RYR2: variants seen among roughly 807,000 people sequenced by gnomAD.
RYR2 encodes cardiac muscle ryanodine receptor-calcium release channel.
RYR2 carries 227 observed loss-of-function variants against 601.1 expected under a neutral mutation model. The ratio of observed to expected loss-of-function variants is 0.38; its 90% CI spans 0.34 to 0.42. The LOEUF is 0.42. Among genes scored for constraint, RYR2 ranks in the 10% least tolerant of loss-of-function variants. RYR2 has a pLI of 1.00. For missense variants in RYR2, 4,646 were observed against 6,156.5 expected (o/e 0.75, Z 8.21); for synonymous variants, 2,223 against 2,175.1 (o/e 1.02, Z -0.61).
chr1:237,627,487 A>G (rs1679797649), intron 40 of RYR2, among the ~76,000 whole-genome samples: 1 of 152,226 alleles, frequency 6.6e-6, no homozygotes, highest in Non-Finnish European at 1.5e-5. Context: ...AGGACACCTT[A>G]TATTAATTGC....
At chr1:237,662,484 G>A (rs559485458) in intron 56 of RYR2, among the ~76,000 whole-genome samples, 1 of 63,242 alleles carries the variant, frequency 1.6e-5, no homozygotes, top group African/African-American at 6.4e-5. Flanking sequence ...ATAGAGAAAG[G>A]GATGTTTTTT....
At chr1:237,780,494 C>CA (rs11463362) in intron 88 of RYR2, among the ~76,000 whole-genome samples, 10,520 of 151,970 alleles carry the variant, frequency 0.069, 567 homozygotes, top group African/African-American at 0.15. Context: ...TCATATGTAC[C>CA]AAAAATGCCT....
chr1:237,052,020 G>T (rs1017047138), intron 1 of RYR2, among the ~76,000 whole-genome samples: 3 of 152,164 alleles, frequency 2.0e-5, no homozygotes, highest in Admixed American at 6.5e-5. Context: ...AATGTTTGTG[G>T]AATTGCATCG....
At chr1:237,310,353 A>G (rs1443729620) in intron 2 of RYR2, among the ~76,000 whole-genome samples, 1 of 152,242 alleles carries the variant, frequency 6.6e-6, no homozygotes, top group Non-Finnish European at 1.5e-5. Flanking sequence ...CCAAAAAGAA[A>G]AAATTAAACT....
intron 70 of RYR2, among the ~76,000 whole-genome samples, chr1:237,710,950 T>C (rs1688787428): frequency 1.3e-5 from 2 of 152,180 alleles, no homozygotes; most frequent in African/African-American, 4.8e-5. Flanking sequence ...CCCTGTTGGG[T>C]TACTTCACTT....
At chr1:237,799,591 T>C (rs1044468266) in intron 97 of RYR2, among the ~76,000 whole-genome samples, 1 of 152,136 alleles carries the variant, frequency 6.6e-6, no homozygotes, top group African/African-American at 2.4e-5. Flanking sequence ...AGAATAAAAT[T>C]AGAAGAATAA....
chr1:237,216,696 A>AT (rs1683193575), intron 1 of RYR2, among the ~76,000 whole-genome samples: 1 of 151,000 alleles, frequency 6.6e-6, no homozygotes, highest in Non-Finnish European at 1.5e-5. Context: ...AGATCGTACT[A>AT]TTGCACTCCA....
intron 1 of RYR2, among the ~76,000 whole-genome samples, chr1:237,260,874 T>A (rs1292917263): frequency 6.6e-6 from 1 of 152,230 alleles, no homozygotes; most frequent in Non-Finnish European, 1.5e-5. Flanking sequence ...AAAGCTTGTC[T>A]GAAGACATTT....
At chr1:237,792,433 C>A in intron 94 of RYR2, 110 bp downstream of exon 94, 1 of 571,716 alleles carries the variant, frequency 1.7e-6, no homozygotes. Flanking sequence ...GTTTTGCAGG[C>A]TGGACTTCTG....
chr1:237,483,512 C>T (rs1662349626), intron 17 of RYR2, among the ~76,000 whole-genome samples: 1 of 152,180 alleles, frequency 6.6e-6, no homozygotes, highest in African/African-American at 2.4e-5. Flanking sequence ...CATCGGCTTA[C>T]ATCCATGCTT....
chr1:237,684,598 T>C (rs1686199976), intron 62 of RYR2, among the ~76,000 whole-genome samples: 1 of 152,118 alleles, frequency 6.6e-6, no homozygotes, highest in Admixed American at 6.5e-5. Context: ...AAACAACATA[T>C]TTCAGAAAAA....
Position 237,404,146 on chromosome 1 carries a change from C to T in RYR2, c.774-12903C>T, listed in dbSNP as rs143347329. Among the ~76,000 whole-genome samples the T allele has an allele frequency of 7.0e-3, 1,069 of 152,160 alleles. 17 individuals carry two copies. Among genetic ancestry groups the T allele is most frequent in the African/African-American group, 0.025 (1,021 of 41,514 alleles). On this transcript the variant is annotated intron_variant, in intron 10 of 104. Coordinates refer to ENST00000366574, the MANE Select transcript of RYR2 (RefSeq NM_001035.3). ...GCATGCACCTGTAGTTCTACATAATCGGGAGGCTGAGGTGGGAGGATTGCT... is the reference window on the plus strand; with the variant it reads ...GCATGCACCTGTAGTTCTACATAATTGGGAGGCTGAGGTGGGAGGATTGCT...
intron 10 of RYR2, among the ~76,000 whole-genome samples, chr1:237,415,002 G>T (rs1021080282): frequency 9.2e-6 from 1 of 108,968 alleles, no homozygotes; most frequent in Non-Finnish European, 2.0e-5. Context: ...AGAACTCTTA[G>T]AACTCTTTTG....
At chr1:237,648,401 T>G in intron 48 of RYR2, 43 bp from the exon 49 acceptor site, 1 of 1,532,738 alleles carries the variant, frequency 6.5e-7, no homozygotes, top group Non-Finnish European at 8.8e-7. Flanking sequence ...CTATCCTGTA[T>G]ATGACACAGC....
chr1:237,118,979 G>A (rs1670456778), intron 1 of RYR2, among the ~76,000 whole-genome samples: 1 of 152,068 alleles, frequency 6.6e-6, no homozygotes, highest in South Asian at 2.1e-4. Flanking sequence ...TTCTGACTGG[G>A]TGAAGAAGTC....
intron 1 of RYR2, among the ~76,000 whole-genome samples, chr1:237,162,248 T>TCCAC (rs1676092933): frequency 6.6e-6 from 1 of 152,174 alleles, no homozygotes; most frequent in Non-Finnish European, 1.5e-5. Context: ...TTACTGTTTA[T>TCCAC]GTGGATTATG....
At chr1:237,314,877 G>A (rs538163111) in intron 2 of RYR2, among the ~76,000 whole-genome samples, 1 of 152,294 alleles carries the variant, frequency 6.6e-6, no homozygotes, top group East Asian at 1.9e-4. Context: ...GCCATAAATT[G>A]TGGCACAATG....
chr1:237,440,834 TG>T (rs1707835650), intron 12 of RYR2, among the ~76,000 whole-genome samples: 1 of 151,946 alleles, frequency 6.6e-6, no homozygotes, highest in African/African-American at 2.4e-5. Context: ...AATTTTTTTT[TG>T]ATCCTATGGA....
At position 237,322,142 on chromosome 1, in the gene RYR2, G is replaced by A. The variant is rs558883934; in HGVS notation, c.169-8736G>A. On this transcript the variant is annotated intron_variant, in intron 2 of 104. Transcript: ENST00000366574. Reference sequence around the variant, plus strand: ...GCTCTTGCCATTTCAAATTAATTTAGATGAAATTAATCCAGCTCATTTTCA... The same window carrying A: ...GCTCTTGCCATTTCAAATTAATTTAAATGAAATTAATCCAGCTCATTTTCA... 5.3e-5 allele frequency among the ~76,000 whole-genome samples: 8 copies of A among 152,234 alleles called. No homozygotes were observed. In the East Asian group the frequency reaches 1.5e-3, roughly 29 times the overall value.
Sources: gnomAD v4.1 joint callset for allele counts (sites outside exome capture counted in the v4.1 genomes callset) on GRCh38, gnomAD v4.1.1 for gene constraint, MANE v1.5 for transcripts, NCBI Gene and HGNC (gene_info 2026-07-23, HGNC 2026-07-21) for gene names.